Variants in JAM2 observed in about 807,000 individuals in gnomAD.
JAM2 encodes the protein junctional adhesion molecule B.
JAM2 carries 17 observed loss-of-function variants against 42.0 expected under a neutral mutation model. The observed-to-expected ratio is 0.40, with a 90% CI of 0.28 to 0.61. The LOEUF (loss-of-function observed/expected upper bound fraction) is 0.61. Among genes scored for constraint, JAM2 ranks in the 20% least tolerant of loss-of-function variants. JAM2 has a pLI of 0.37. For missense variants in JAM2, 319 were observed against 358.3 expected (o/e 0.89, Z 0.89); for synonymous variants, 118 against 128.6 (o/e 0.92, Z 0.56).
chr21:25,639,933 G>C, intron 1 of JAM2, 45 bp downstream of exon 1: 1 of 1,380,042 alleles, frequency 7.2e-7, no homozygotes, highest in Non-Finnish European at 1.0e-6. Flanking sequence ...GGACCAGCCT[G>C]CCCCCACCCT....
At chr21:25,650,442 T>C (rs141583856) in intron 1 of JAM2, among the ~76,000 whole-genome samples, 219 of 152,296 alleles carry the variant, frequency 1.4e-3, no homozygotes, top group African/African-American at 5.0e-3. Flanking sequence ...CAAAATCAGA[T>C]ACATGTAAGA....
At chr21:25,658,699 T>C (rs187461017) in intron 1 of JAM2, among the ~76,000 whole-genome samples, 1 of 152,218 alleles carries the variant, frequency 6.6e-6, no homozygotes, top group African/African-American at 2.4e-5. Flanking sequence ...CCTGAGGGGA[T>C]TAAAAAGTAA....
chr21:25,662,626 G>GT (rs1266346765), intron 1 of JAM2, among the ~76,000 whole-genome samples: 1 of 151,984 alleles, frequency 6.6e-6, no homozygotes, highest in African/African-American at 2.4e-5. Context: ...GCTATACTTA[G>GT]TTTTTAATTT....
chr21:25,695,972 T>C (rs1363413272), intron 4 of JAM2, among the ~76,000 whole-genome samples: 2 of 150,654 alleles, frequency 1.3e-5, no homozygotes, highest in South Asian at 2.1e-4. Flanking sequence ...CGCTCCTCAC[T>C]TCCCAGACGG....
intron 1 of JAM2, among the ~76,000 whole-genome samples, chr21:25,670,442 C>T (rs575333872): frequency 1.3e-5 from 2 of 151,944 alleles, no homozygotes; most frequent in African/African-American, 4.8e-5. Flanking sequence ...ACTATGATCA[C>T]GCCACTGCAC....
chr21:25,698,664 T>C lies in JAM2; in HGVS notation c.395-13T>C, dbSNP rs2034092737. 1 of 1,609,008 alleles carries C rather than the reference T, an allele frequency of 6.2e-7. No homozygotes were observed. Among genetic ancestry groups the C allele is most frequent in the Non-Finnish European group, 8.5e-7 (1 of 1,176,186 alleles). ...TTATAAATAATCAATATCATTTGAC[T>C]TCCATTGTTCAGTGGCTCCAGCAGT... On this transcript the variant is annotated splice_polypyrimidine_tract_variant and intron_variant, in intron 4 of 9. Transcript: ENST00000480456.
At chr21:25,677,949 T>C (rs1269270954) in intron 1 of JAM2, among the ~76,000 whole-genome samples, 1 of 152,096 alleles carries the variant, frequency 6.6e-6, no homozygotes, top group Non-Finnish European at 1.5e-5. Context: ...GTTCAGAGAT[T>C]TTGTCATCAA....
chr21:25,698,759 A>G lies in JAM2; in HGVS notation c.477A>G (p.Glu159=). The G allele has an allele frequency of 1.2e-6, 2 of 1,614,184 alleles. No individual in the cohort carries two copies. The highest frequency in any genetic ancestry group is 1.7e-6 in the Non-Finnish European group (2 of 1,180,022). The change falls in exon 5 of 10, where the codon GAA becomes GAG. Residue 159 remains glutamate (E), a synonymous_variant. Transcript: ENST00000480456. ...TAGAGCTACGATGTCAAGACAAAGA[A>G]GGGAATCCAGCTCCTGAATACACAT... ...TVVELRCQDK[E]GNPAPEYTWF...
chr21:25,707,778 T>A (rs1039648205), intron 7 of JAM2, among the ~76,000 whole-genome samples: 2 of 152,190 alleles, frequency 1.3e-5, no homozygotes, highest in African/African-American at 4.8e-5. Flanking sequence ...AATTATAAAT[T>A]TATAGCATAT....
intron 1 of JAM2, among the ~76,000 whole-genome samples, chr21:25,655,350 A>ATTTT (rs751257378): frequency 0.093 from 9,248 of 99,946 alleles, 857 homozygotes; most frequent in African/African-American, 0.25. Context: ...CTGAAATTCT[A>ATTTT]TTTTTTTTTT....
intron 8 of JAM2, among the ~76,000 whole-genome samples, chr21:25,711,118 AGAG>A (rs1364481198): frequency 6.6e-6 from 1 of 152,258 alleles, no homozygotes; most frequent in Non-Finnish European, 1.5e-5. Flanking sequence ...GAAGATTTTA[AGAG>A]GAGAGAGTTT....
At chr21:25,682,134 G>A (rs770450402) in intron 1 of JAM2, among the ~76,000 whole-genome samples, 2 of 152,176 alleles carry the variant, frequency 1.3e-5, no homozygotes, top group African/African-American at 2.4e-5. Context: ...TTTATGCCAG[G>A]CACTGTTCTG....
At chr21:25,675,635 AGAAGGGAG>A (rs958993593) in intron 1 of JAM2, among the ~76,000 whole-genome samples, 1 of 151,466 alleles carries the variant, frequency 6.6e-6, no homozygotes, top group African/African-American at 2.4e-5. Context: ...AAGGAGGGAA[AGAAGGGAG>A]GAAGGGAGGA....
intron 1 of JAM2, among the ~76,000 whole-genome samples, chr21:25,680,342 TG>T (rs1283155871): frequency 6.6e-6 from 1 of 152,124 alleles, no homozygotes; most frequent in Non-Finnish European, 1.5e-5. Flanking sequence ...GGCATAAAGG[TG>T]AGAGATGGGA....
chr21:25,648,830 C>T (rs1443852870), intron 1 of JAM2, among the ~76,000 whole-genome samples: 1 of 152,112 alleles, frequency 6.6e-6, no homozygotes, highest in Non-Finnish European at 1.5e-5. Flanking sequence ...TACTGCCTGG[C>T]ACATTTAATA....
intron 1 of JAM2, among the ~76,000 whole-genome samples, chr21:25,668,052 AG>A (rs1427845425): frequency 2.0e-5 from 3 of 152,190 alleles, no homozygotes; most frequent in Non-Finnish European, 4.4e-5. Context: ...GGGAGTTAAT[AG>A]ACATCTAAAG....
chr21:25,646,771 A>G (rs13340025), intron 1 of JAM2, among the ~76,000 whole-genome samples: 2,110 of 152,324 alleles, frequency 0.014, 38 homozygotes, highest in African/African-American at 0.047. Flanking sequence ...GTATTTCAAG[A>G]GCTGCCCTCT....
rs891433389 is a variant in JAM2 at position 25,698,877 on chromosome 21, C to A, written c.595C>A (p.Leu199Met). 3.1e-6 allele frequency: 5 copies of A among 1,612,926 alleles called. No individual in the cohort carries two copies. Among genetic ancestry groups the A allele is most frequent in the Middle Eastern group, 3.3e-4 (2 of 6,080 alleles). ...CACAATGAATACAAAAACTGGAACT[C>A]TGGTAAGGTCATTTCAAGATTTGAC... is the stretch of plus-strand genomic sequence containing the variant. ...SYTMNTKTGTLQFNTVSKLDT... is the reference protein window; with the variant it reads ...SYTMNTKTGTMQFNTVSKLDT... Residue 199 changes from leucine to methionine, a missense_variant and splice_region_variant, in exon 5 of 10, where the codon CTG becomes ATG. Physicochemically the swap from Leu to Met is conservative, Grantham distance 15. Transcript: ENST00000480456.
At chr21:25,657,129 C>T (rs1489884198) in intron 1 of JAM2, among the ~76,000 whole-genome samples, 1 of 151,712 alleles carries the variant, frequency 6.6e-6, no homozygotes, top group African/African-American at 2.4e-5. Context: ...GATGGGATCT[C>T]TCTCTGTCAC....
Sources: gnomAD v4.1 joint callset for allele counts (sites outside exome capture counted in the v4.1 genomes callset) on GRCh38, gnomAD v4.1.1 for gene constraint, MANE v1.5 for transcripts, NCBI Gene and HGNC (gene_info 2026-07-23, HGNC 2026-07-21) for gene names.